Variants in PTPRU observed in about 807,000 individuals in gnomAD.
The protein encoded by PTPRU is protein tyrosine phosphatase receptor type U, also known as receptor-type tyrosine-protein phosphatase U.
PTPRU carries 69 observed loss-of-function variants against 166.3 expected under a neutral mutation model. That is an observed-to-expected ratio of 0.41 (90% CI 0.34 to 0.51). The LOEUF (loss-of-function observed/expected upper bound fraction) is 0.51. Ranked by LOEUF, PTPRU falls within the 20% of genes least tolerant of loss-of-function variation. The pLI is 0.09. For synonymous variants in PTPRU, 793 were observed against 814.0 expected (o/e 0.97, Z 0.44); for missense variants, 1,657 against 2,013.7 (o/e 0.82, Z 3.39).
chr1:29,320,247 TG>T lies in PTPRU; in HGVS notation c.3688-433del. Reference sequence around the variant, plus strand: ...TGTGGGGCTATTTTTGATGAGGTGGTGGGGGAGGGCTTCTTTGAGGAGGTGA... The same window carrying T: ...TGTGGGGCTATTTTTGATGAGGTGGTGGGGAGGGCTTCTTTGAGGAGGTGA... On this transcript the variant is annotated intron_variant, in intron 25 of 29. Coordinates refer to ENST00000373779, the MANE Select transcript of PTPRU (RefSeq NM_133178.4). This position sits in a 1 kb window ranked among gnomAD's most constrained non-coding sequence, Gnocchi z 5.2. The T allele has an allele frequency of 6.4e-6, 1 of 157,412 alleles. No individual in the cohort carries two copies. The highest frequency in any genetic ancestry group is 6.5e-5 in the Admixed American group (1 of 15,420). The allele number at this position is 157,412 out of a possible 1,614,324, so 9.8% of individuals were successfully genotyped here.
Position 29,320,856 on chromosome 1 carries a change from C to T in PTPRU, c.3828+31C>T, listed in dbSNP as rs752365566. ...GCCTCCACTGGCCAGGCCAATGGGCCGCCTGCTCCCAGGTCCTCTGTGTAT... is the reference window on the plus strand; with the variant it reads ...GCCTCCACTGGCCAGGCCAATGGGCTGCCTGCTCCCAGGTCCTCTGTGTAT... On this transcript the variant is annotated intron_variant, in intron 26 of 29. Coordinates refer to ENST00000373779, the MANE Select transcript of PTPRU (RefSeq NM_133178.4). This position sits in a 1 kb window ranked among gnomAD's most constrained non-coding sequence, Gnocchi z 5.2. 3.6e-5 allele frequency: 55 copies of T among 1,519,006 alleles called. No individual in the cohort carries two copies. The highest frequency in any genetic ancestry group is 3.0e-4 in the South Asian group (23 of 77,258). The allele number at this position is 1,519,006 out of a possible 1,614,324, so 94.1% of individuals were successfully genotyped here.
chr1:29,244,353 G>C (rs1684191856), intron 1 of PTPRU, among the ~76,000 whole-genome samples: 1 of 152,066 alleles, frequency 6.6e-6, no homozygotes, highest in Non-Finnish European at 1.5e-5. Flanking sequence ...ACAGTGAAGG[G>C]ACAGGCGGTA....
chr1:29,237,322 T>G lies in PTPRU; in HGVS notation c.73+605T>G, dbSNP rs1683814349. Among the ~76,000 whole-genome samples, 1 of 149,524 alleles carries G rather than the reference T, an allele frequency of 6.7e-6. No individual in the cohort carries two copies. The highest frequency in any genetic ancestry group is 1.5e-5 in the Non-Finnish European group (1 of 67,514). On this transcript the variant is annotated intron_variant, in intron 1 of 29. Coordinates refer to ENST00000373779, the MANE Select transcript of PTPRU (RefSeq NM_133178.4). The surrounding 1 kb of genome is among the most constrained non-coding windows in gnomAD (Gnocchi z 6.4). ...CCGTGCGCTGTGTACGTGTGGGGAG[T>G]GTCTAGGGTATGTGGTGTGTGCTGC...
At chr1:29,272,605 A>G (rs1206004758) in intron 7 of PTPRU, among the ~76,000 whole-genome samples, 1 of 152,110 alleles carries the variant, frequency 6.6e-6, no homozygotes, top group Non-Finnish European at 1.5e-5. Flanking sequence ...CAAATTAATC[A>G]CATAAAAAAT....
At position 29,270,529 on chromosome 1, in the gene PTPRU, G is replaced by A. The variant is rs562318341; in HGVS notation, c.1145-4919G>A. Reference sequence around the variant, plus strand: ...CTACTATGTTGCCCATGAAGGTCTCGAACCCCTGAGCGATCCTGCCTTGGC... The same window carrying A: ...CTACTATGTTGCCCATGAAGGTCTCAAACCCCTGAGCGATCCTGCCTTGGC... On this transcript the variant is annotated intron_variant, in intron 7 of 29. Coordinates refer to ENST00000373779, the MANE Select transcript of PTPRU (RefSeq NM_133178.4). Among the ~76,000 whole-genome samples the A allele has an allele frequency of 5.3e-5, 8 of 152,188 alleles. No individual in the cohort carries two copies. The South Asian group carries it at 1.2e-3, about 24-fold the overall frequency.
chr1:29,315,886 TG>T lies in PTPRU; in HGVS notation c.3364-114del. The T allele has an allele frequency of 7.7e-7, 1 of 1,292,942 alleles. No individual in the cohort carries two copies. The highest frequency in any genetic ancestry group is 1.5e-5 in the African/African-American group (1 of 67,742). The allele number at this position is 1,292,942 out of a possible 1,614,324, so 80.1% of individuals were successfully genotyped here. On this transcript the variant is annotated intron_variant, in intron 23 of 29. Transcript: ENST00000373779. The surrounding 1 kb of genome is among the most constrained non-coding windows in gnomAD (Gnocchi z 4.5). ...AGGCTTGGTCCAGCCTGTAGTAACA[TG>T]GTTGGCCTCCACCTCAGGACACCCT...
rs995862684 is a variant in PTPRU, at chr1:29,292,159, T to TA, written c.2476+134dup. 5.0e-5 allele frequency: 59 copies of TA among 1,190,414 alleles called. No individual in the cohort carries two copies. In the African/African-American group the frequency reaches 8.1e-4, roughly 16 times the overall value. 73.7% of individuals were successfully genotyped at this position (1,190,414 alleles called of 1,614,324 possible). ...AAGCATCTGTGGTGCTCCTGCTGGA[T>TA]ACCTTCTGGATATAGAGCCAGCACA... On this transcript the variant is annotated intron_variant, in intron 15 of 29. Coordinates refer to ENST00000373779, the MANE Select transcript of PTPRU (RefSeq NM_133178.4).
chr1:29,258,838 T>C (rs1574620544), intron 3 of PTPRU, 62 bp downstream of exon 3: 10 of 1,523,760 alleles, frequency 6.6e-6, no homozygotes, highest in African/African-American at 2.8e-5. Flanking sequence ...GATGTCAAAT[T>C]GAGGTTGGAG....
At chr1:29,277,012 A>G (rs1292085568) in intron 8 of PTPRU, among the ~76,000 whole-genome samples, 1 of 152,206 alleles carries the variant, frequency 6.6e-6, no homozygotes, top group Non-Finnish European at 1.5e-5. Context: ...TTGTCTATAC[A>G]ATTGAACTGT....
chr1:29,293,578 C>T (rs1686749434), intron 15 of PTPRU, among the ~76,000 whole-genome samples: 1 of 151,928 alleles, frequency 6.6e-6, no homozygotes, highest in South Asian at 2.1e-4. Context: ...GCATTCATGC[C>T]ATTCTTCTGC....
chr1:29,248,179 G>T (rs980135499), intron 1 of PTPRU, among the ~76,000 whole-genome samples: 1 of 152,148 alleles, frequency 6.6e-6, no homozygotes, highest in Non-Finnish European at 1.5e-5. Context: ...ATAAGTCCAG[G>T]CACTGTTGGC....
At chr1:29,259,199 G>A (rs2151944914) in intron 3 of PTPRU, 62 bp from the exon 4 acceptor site, 1 of 1,519,690 alleles carries the variant, frequency 6.6e-7, no homozygotes, top group African/African-American at 1.4e-5. Context: ...CTGAAAGTGG[G>A]CACCTCCCCA....
chr1:29,292,565 C>T (rs960964369), intron 15 of PTPRU, among the ~76,000 whole-genome samples: 2 of 152,182 alleles, frequency 1.3e-5, no homozygotes, highest in African/African-American at 4.8e-5. Context: ...CTTGTATTCA[C>T]AGAATATAGT....
chr1:29,258,804 C>T, intron 3 of PTPRU, 28 bp downstream of exon 3: 2 of 1,542,480 alleles, frequency 1.3e-6, no homozygotes, highest in Non-Finnish European at 8.7e-7. Context: ...AGCGGTCAGC[C>T]TGTGCCTGGA....
chr1:29,323,149 C>A, intron 26 of PTPRU: 2 of 562,566 alleles, frequency 3.6e-6, no homozygotes, highest in South Asian at 4.1e-5. Flanking sequence ...CTTGGCTGAT[C>A]TGAACGTGTC....
At chr1:29,275,238 C>T (rs1038956100) in intron 7 of PTPRU, among the ~76,000 whole-genome samples, 1 of 152,086 alleles carries the variant, frequency 6.6e-6, no homozygotes, top group Non-Finnish European at 1.5e-5. Flanking sequence ...TTGCCAGCTG[C>T]AAGTGGCAGA....
chr1:29,310,186 G>A (rs1339523702), intron 18 of PTPRU, among the ~76,000 whole-genome samples: 2 of 152,120 alleles, frequency 1.3e-5, no homozygotes, highest in East Asian at 3.8e-4. Context: ...TTTATCCAAG[G>A]GCCATGAGTA....
intron 8 of PTPRU, 101 bp downstream of exon 8, chr1:29,275,857 C>T (rs1685783583): frequency 7.4e-7 from 1 of 1,348,824 alleles, no homozygotes; most frequent in Non-Finnish European, 1.0e-6. Flanking sequence ...CTTTTTTTTG[C>T]TTAGGATTAA....
chr1:29,304,018 G>A lies in PTPRU; in HGVS notation c.2640G>A (p.Glu880=). ...ACATCAACCAGATGAAGACGGCCGA[G>A]GGTTACGGCTTCAAGCAGGAGTATG... The part of the protein sequence containing the change: ...LQHINQMKTA[E]GYGFKQEYES... Residue 880 remains glutamate, a synonymous_variant, in exon 16 of 30, where the codon GAG becomes GAA. Coordinates refer to ENST00000373779, the MANE Select transcript of PTPRU (RefSeq NM_133178.4). 6.2e-7 allele frequency: 1 copy of A among 1,610,764 alleles called. No individual in the cohort carries two copies. The highest frequency in any genetic ancestry group is 8.5e-7 in the Non-Finnish European group (1 of 1,178,366).
Sources: gnomAD v4.1 joint callset for allele counts (sites outside exome capture counted in the v4.1 genomes callset) on GRCh38, gnomAD v4.1.1 for gene constraint, Gnocchi (gnomAD v3.1) non-coding constraint, MANE v1.5 for transcripts, NCBI Gene and HGNC (gene_info 2026-07-23, HGNC 2026-07-21) for gene names.